Variants in PRKG2 observed in about 807,000 individuals in gnomAD.
The protein encoded by PRKG2 is protein kinase cGMP-dependent 2.
A neutral mutation model predicts 97.2 loss-of-function variants in PRKG2; 33 were observed. The observed-to-expected ratio is 0.34, with a 90% CI of 0.26 to 0.45. The LOEUF (loss-of-function observed/expected upper bound fraction) is 0.45, where lower values mean the gene tolerates loss of function less well. PRKG2 is among the 20% of genes least tolerant of loss of function. The pLI is 1.00. For synonymous variants in PRKG2, 330 were observed against 321.8 expected, an observed-to-expected ratio of 1.03 and a Z score of -0.27; for missense variants, 638 against 900.0, an observed-to-expected ratio of 0.71 and a Z score of 3.73.
chr4:81,211,484 A>T (rs1753968128), intron 1 of PRKG2, among the ~76,000 whole-genome samples: 1 of 152,172 alleles, frequency 6.6e-6, no homozygotes, highest in Admixed American at 6.5e-5. Flanking sequence ...AAAAAGTAAG[A>T]TACTGAAAAA....
At chr4:81,200,503 T>C (rs1352268780) in intron 2 of PRKG2, among the ~76,000 whole-genome samples, 2 of 152,166 alleles carry the variant, frequency 1.3e-5, no homozygotes, top group Non-Finnish European at 2.9e-5. Context: ...TGGGGCACAC[T>C]GTAATAAGGC....
rs1299639512 is a variant in PRKG2 at position 81,088,325 on chromosome 4, T to C, written c.*1383A>G. ...GACTGGGTAGAGGTTCCTTTTGACATAGAACATTAACATATGAAAATATAA... is the reference window on the plus strand; with the variant it reads ...GACTGGGTAGAGGTTCCTTTTGACACAGAACATTAACATATGAAAATATAA... On this transcript the variant is annotated 3_prime_UTR_variant, in exon 19 of 19. Coordinates refer to ENST00000264399, the MANE Select transcript of PRKG2 (RefSeq NM_006259.3). The C allele has an allele frequency of 1.3e-5, 2 of 152,132 alleles. No individual in the cohort carries two copies. Among genetic ancestry groups the C allele is most frequent in the African/African-American group, 4.8e-5 (2 of 41,448 alleles). 9.4% of individuals were successfully genotyped at this position (152,132 alleles called of 1,614,324 possible).
chr4:81,197,370 T>C (rs1252739628), intron 2 of PRKG2, among the ~76,000 whole-genome samples: 1 of 152,188 alleles, frequency 6.6e-6, no homozygotes, highest in African/African-American at 2.4e-5. Flanking sequence ...AGGACCCTTG[T>C]TAAAAGCCAG....
In PRKG2 at chr4:81,191,396, A is replaced by T. The variant is rs560201524; in HGVS notation, c.461+13191T>A. On this transcript the variant is annotated intron_variant, in intron 2 of 18. Coordinates refer to ENST00000264399, the MANE Select transcript of PRKG2 (RefSeq NM_006259.3). The stretch of plus-strand genomic sequence containing the variant: ...GGAGATGAACAATGAGAGCACATGG[A>T]CTCAGGGAGGGGAACATCATACACT... Among the ~76,000 whole-genome samples, 30 of 152,116 alleles carry T rather than the reference A, an allele frequency of 2.0e-4. No individual in the cohort carries two copies. In the South Asian group the frequency reaches 6.2e-3, roughly 32 times the overall value.
intron 4 of PRKG2, 57 bp from the exon 5 acceptor site, chr4:81,169,825 C>T (rs1440923044): frequency 3.6e-6 from 4 of 1,122,268 alleles, no homozygotes; most frequent in Non-Finnish European, 5.1e-6. Flanking sequence ...GAAAACATTC[C>T]AAAATATAAA....
chr4:81,180,624 A>AGAAAAATTG (rs2110095736), intron 2 of PRKG2, among the ~76,000 whole-genome samples: 1 of 152,306 alleles, frequency 6.6e-6, no homozygotes, highest in East Asian at 1.9e-4. Context: ...AAATATATGG[A>AGAAAAATTG]GCAAAATTGG....
At chr4:81,155,954 G>T (rs563829127) in intron 6 of PRKG2, among the ~76,000 whole-genome samples, 2 of 151,796 alleles carry the variant, frequency 1.3e-5, no homozygotes, top group Non-Finnish European at 2.9e-5. Flanking sequence ...AGGAACAACC[G>T]GTACCAGCCA....
At chr4:81,199,200 G>A (rs1333989544) in intron 2 of PRKG2, among the ~76,000 whole-genome samples, 7 of 151,894 alleles carry the variant, frequency 4.6e-5, no homozygotes, top group East Asian at 3.9e-4. Flanking sequence ...GTATTTCATG[G>A]AAGGGAAAAA....
chr4:81,144,478 A>G (rs1487989550), intron 9 of PRKG2, 148 bp from the exon 10 acceptor site: 1 of 639,690 alleles, frequency 1.6e-6, no homozygotes, highest in Non-Finnish European at 2.6e-6. Context: ...AGTTGATGTA[A>G]TATGTACAAG....
At chr4:81,167,388 T>C (rs1265621594) in intron 5 of PRKG2, among the ~76,000 whole-genome samples, 164 bp from the exon 6 acceptor site, 10 of 152,098 alleles carry the variant, frequency 6.6e-5, no homozygotes. Context: ...TAACTGAATT[T>C]CATATACACT....
intron 9 of PRKG2, among the ~76,000 whole-genome samples, chr4:81,146,229 T>C (rs1485089304): frequency 6.6e-6 from 1 of 152,188 alleles, no homozygotes; most frequent in African/African-American, 2.4e-5. Flanking sequence ...ATTTTCTAAA[T>C]AGAGGTGAGA....
chr4:81,156,957 A>C (rs1477539192), intron 6 of PRKG2, among the ~76,000 whole-genome samples: 1 of 152,188 alleles, frequency 6.6e-6, no homozygotes, highest in South Asian at 2.1e-4. Flanking sequence ...TATAGCACTA[A>C]ATGCCCACAA....
intron 14 of PRKG2, among the ~76,000 whole-genome samples, chr4:81,116,985 CTTTTTTTTTTTTT>C (rs58361616): frequency 6.3e-5 from 5 of 78,988 alleles, no homozygotes; most frequent in Non-Finnish European, 8.9e-5. Flanking sequence ...CCTGTTGTTA[CTTTTTTTTTTTTT>C]TTTTTTTTTT....
intron 14 of PRKG2, among the ~76,000 whole-genome samples, chr4:81,113,906 A>G (rs1262814298): frequency 7.2e-5 from 11 of 152,126 alleles, no homozygotes; most frequent in Admixed American, 7.2e-4. Context: ...GCAACAATGG[A>G]TGGTTTTGAT....
Position 81,117,934 on chromosome 4 carries a change from G to A in PRKG2, c.1777-7323C>T, listed in dbSNP as rs80230150. Reference sequence around the variant, plus strand: ...ACATGTATATGGACAGGTATCCACCGCTGCAGTATCATACAGAGTATTTTC... The same window carrying A: ...ACATGTATATGGACAGGTATCCACCACTGCAGTATCATACAGAGTATTTTC... On this transcript the variant is annotated intron_variant, in intron 14 of 18. Transcript: ENST00000264399. Among the ~76,000 whole-genome samples, 133 of 152,138 alleles carry A rather than the reference G, an allele frequency of 8.7e-4. 3 individuals carry two copies. In the East Asian group the frequency reaches 0.021, roughly 24 times the overall value.
rs145649671 is a variant in PRKG2, at chr4:81,110,727, GCACACACACA to G, written c.1777-126_1777-117del. 1.9e-4 allele frequency: 142 copies of G among 741,940 alleles called. No homozygotes were observed. In the African/African-American group the frequency reaches 2.6e-3, roughly 14 times the overall value. The allele number at this position is 741,940 out of a possible 1,614,324, so 46.0% of individuals were successfully genotyped here. On this transcript the variant is annotated intron_variant, in intron 14 of 18. Coordinates refer to ENST00000264399, the MANE Select transcript of PRKG2 (RefSeq NM_006259.3). Reference sequence around the variant, plus strand: ...CACCCCACCCTTCTTTTTATACCATGCACACACACACACACACACACAAAGAGAGAGAGAG... The same window carrying G: ...CACCCCACCCTTCTTTTTATACCATGCACACACACACAAAGAGAGAGAGAG...
intron 13 of PRKG2, among the ~76,000 whole-genome samples, chr4:81,136,585 C>T (rs190291119): frequency 6.6e-6 from 1 of 152,270 alleles, no homozygotes; most frequent in Non-Finnish European, 1.5e-5. Flanking sequence ...AACTTCCCTG[C>T]TTTGTCTTAA....
intron 6 of PRKG2, among the ~76,000 whole-genome samples, chr4:81,155,161 G>C (rs1240698313): frequency 9.3e-6 from 1 of 107,428 alleles, no homozygotes. Flanking sequence ...CTGGGCGACA[G>C]AGCGAGACTC....
At chr4:81,198,663 T>C (rs2110122511) in intron 2 of PRKG2, among the ~76,000 whole-genome samples, 1 of 152,246 alleles carries the variant, frequency 6.6e-6, no homozygotes, top group Non-Finnish European at 1.5e-5. Context: ...ATATAAACAT[T>C]ACAACCTGGA....
Sources: allele counts gnomAD v4.1 joint callset (sites outside exome capture counted in the v4.1 genomes callset), GRCh38; gene constraint gnomAD v4.1.1; transcripts MANE v1.5; gene names NCBI Gene and HGNC (gene_info 2026-07-23, HGNC 2026-07-21).